The following RNF166 variants were observed in gnomAD, a reference collection of about 807,000 sequenced individuals.
RNF166 encodes the protein E3 ubiquitin-protein ligase RNF166.
In RNF166, 19 loss-of-function variants were observed where a neutral mutation model predicts 29.4. The observed-to-expected ratio is 0.65, with a 90% CI of 0.45 to 0.95. The LOEUF (loss-of-function observed/expected upper bound fraction) is 0.95. Ranked by LOEUF, RNF166 falls within the 40% of genes least tolerant of loss-of-function variation. The pLI, the probability that RNF166 is intolerant of heterozygous loss-of-function variation, is 0.00. For synonymous variants in RNF166, 171 were observed against 134.5 expected (o/e 1.27, Z -1.88); for missense variants, 347 against 322.1 (o/e 1.08, Z -0.59).
intron 5 of RNF166, 72 bp from the exon 6 acceptor site, chr16:88,697,705 C>G: frequency 8.7e-7 from 1 of 1,145,180 alleles, no homozygotes; most frequent in African/African-American, 1.5e-5. Flanking sequence ...GCCCATCACC[C>G]ACACAGGCGT....
intron 2 of RNF166, chr16:88,700,996 C>T (rs1910157605): frequency 9.6e-6 from 13 of 1,353,602 alleles, no homozygotes; most frequent in Admixed American, 3.3e-5. Context: ...CCACAACCCA[C>T]GTGGGTTCCC....
chr16:88,704,137 G>C (rs1268971331), intron 1 of RNF166: 5 of 985,380 alleles, frequency 5.1e-6, no homozygotes, highest in Admixed American at 6.1e-5. Flanking sequence ...AGTTGCTCTG[G>C]TTGGGGAGCT....
intron 1 of RNF166, chr16:88,703,993 A>G: frequency 1.0e-6 from 1 of 985,470 alleles, no homozygotes; most frequent in Non-Finnish European, 1.2e-6. Context: ...GAGGTGGCTC[A>G]CTGCTCAGAC....
At chr16:88,698,391 T>C in intron 5 of RNF166, 111 bp downstream of exon 5, 1 of 863,950 alleles carries the variant, frequency 1.2e-6, no homozygotes, top group South Asian at 1.4e-5. Flanking sequence ...ACGAGGCTTC[T>C]GTTTCTGGCT....
At chr16:88,698,868 G>C in intron 4 of RNF166, 103 bp downstream of exon 4, 1 of 938,196 alleles carries the variant, frequency 1.1e-6, no homozygotes. Context: ...GGCCTTTGTG[G>C]CCTGGGCACC....
intron 1 of RNF166, chr16:88,703,045 C>T (rs543954657): frequency 1.2e-4 from 114 of 985,524 alleles, no homozygotes; most frequent in African/African-American, 8.2e-4. Context: ...CGGGAAGAGG[C>T]GTGCAGCCCC....
intron 3 of RNF166, 47 bp downstream of exon 3, chr16:88,699,573 G>T: frequency 6.8e-7 from 1 of 1,481,066 alleles, no homozygotes; most frequent in South Asian, 1.2e-5. Context: ...CCAGAACGAG[G>T]AAACCGCCGA....
rs1475346217 is a variant in RNF166, at chr16:88,697,636, G to A, written c.649-3C>T. 1.9e-6 allele frequency: 3 copies of A among 1,549,592 alleles called. No individual in the cohort carries two copies. Among genetic ancestry groups the A allele is most frequent in the Non-Finnish European group, 2.6e-6 (3 of 1,145,900 alleles). On this transcript the variant is annotated splice_region_variant and splice_polypyrimidine_tract_variant and intron_variant, in intron 5 of 5. Transcript: ENST00000312838. ...GCCTCCTCGTCAATACTGTAGTCCTGGAGACAGGAAGGAGAGATGCACCGG... is the reference window on the plus strand; with the variant it reads ...GCCTCCTCGTCAATACTGTAGTCCTAGAGACAGGAAGGAGAGATGCACCGG...
chr16:88,699,375 C>G (rs900005588), intron 3 of RNF166, among the ~76,000 whole-genome samples: 2 of 152,246 alleles, frequency 1.3e-5, no homozygotes, highest in African/African-American at 4.8e-5. Context: ...GATGTGTGGG[C>G]CCGGCCTGCG....
At chr16:88,704,587 A>T in intron 1 of RNF166, 1 of 985,168 alleles carries the variant, frequency 1.0e-6, no homozygotes, top group South Asian at 4.7e-5. Context: ...TTGGCACCCA[A>T]AGCCTACGGG....
At position 88,696,639 on chromosome 16, in the gene RNF166, C is replaced by G; in HGVS notation, c.*929G>C. 2 of 449,990 alleles carry G rather than the reference C, an allele frequency of 4.4e-6. No individual in the cohort carries two copies. Among genetic ancestry groups the G allele is most frequent in the South Asian group, 1.6e-5 (1 of 63,396 alleles). The allele number at this position is 449,990 out of a possible 1,614,324, so 27.9% of individuals were successfully genotyped here. On this transcript the variant is annotated 3_prime_UTR_variant, in exon 6 of 6. Transcript: ENST00000312838. ...CCCAGGCCCCCAAGCTCTGCCACCA[C>G]TGGGGTGCCGTCCCCTCCCGCAGCG...
Position 88,702,643 on chromosome 16 carries a change from C to G in RNF166, c.156-1225G>C, listed in dbSNP as rs527759389. On this transcript the variant is annotated intron_variant, in intron 1 of 5. Transcript: ENST00000312838. Reference sequence around the variant, plus strand: ...CCTCTTTGCCACCACTGGATTCCCACAGAGCCACCACCTGGCTGGTGGCTC... The same window carrying G: ...CCTCTTTGCCACCACTGGATTCCCAGAGAGCCACCACCTGGCTGGTGGCTC... The G allele has an allele frequency of 6.3e-6, 6 of 954,296 alleles. No homozygotes were observed. The African/African-American group carries it at 8.8e-5, about 14-fold the overall frequency. The allele number at this position is 954,296 out of a possible 1,614,324, so 59.1% of individuals were successfully genotyped here. A position where few individuals can be genotyped will look rare whatever the true frequency, so the allele number is the denominator to read the frequency against.
intron 2 of RNF166, chr16:88,700,733 C>T (rs1392229719): frequency 3.0e-6 from 3 of 992,598 alleles, no homozygotes; most frequent in Non-Finnish European, 3.6e-6. Flanking sequence ...GGCACCAGGA[C>T]AGGATGGACA....
chr16:88,703,497 T>TGGCCCACA, intron 1 of RNF166: 1 of 985,372 alleles, frequency 1.0e-6, no homozygotes, highest in Non-Finnish European at 1.2e-6. Flanking sequence ...CCAGCCCGAC[T>TGGCCCACA]GGCAGGGCGG....
intron 2 of RNF166, among the ~76,000 whole-genome samples, chr16:88,700,250 G>A (rs1910079488): frequency 1.3e-5 from 2 of 152,120 alleles, no homozygotes; most frequent in African/African-American, 4.8e-5. Flanking sequence ...TCTGCCTAAG[G>A]GCTGCTGGAC....
rs1423367568 is a variant in RNF166, at chr16:88,697,329, C to T, written c.*239G>A. The T allele has an allele frequency of 3.6e-5, 15 of 414,354 alleles. No individual in the cohort carries two copies. Among genetic ancestry groups the T allele is most frequent in the East Asian group, 2.0e-4 (5 of 24,794 alleles). The allele number at this position is 414,354 out of a possible 1,614,324, so 25.7% of individuals were successfully genotyped here. The stretch of plus-strand genomic sequence containing the variant: ...GCCCTGCCCAAGTAGGCCGCCTGCT[C>T]GGCCAGAAGCACCGAAGAACCCAGC... On this transcript the variant is annotated 3_prime_UTR_variant, in exon 6 of 6. Transcript: ENST00000312838.
At chr16:88,700,358 C>T (rs11649077) in intron 2 of RNF166, among the ~76,000 whole-genome samples, 100 of 149,182 alleles carry the variant, frequency 6.7e-4, no homozygotes, top group Non-Finnish European at 1.3e-3. Context: ...TACGGGAGGC[C>T]GCTCTGCATG....
chr16:88,702,966 C>T, intron 1 of RNF166: 1 of 985,508 alleles, frequency 1.0e-6, no homozygotes, highest in Non-Finnish European at 1.2e-6. Context: ...GCGGAAGCAG[C>T]TCAGGTGCCC....
intron 1 of RNF166, among the ~76,000 whole-genome samples, chr16:88,702,403 A>G (rs1490507826): frequency 1.3e-5 from 2 of 152,174 alleles, no homozygotes; most frequent in African/African-American, 4.8e-5. Context: ...TGGCAAGGCC[A>G]CAGGGCTGGT....
Sources: allele counts gnomAD v4.1 joint callset (sites outside exome capture counted in the v4.1 genomes callset), GRCh38; gene constraint gnomAD v4.1.1; transcripts MANE v1.5; gene names NCBI Gene and HGNC (gene_info 2026-07-23, HGNC 2026-07-21).